Variants in ZNF607 observed in about 807,000 individuals in gnomAD.
ZNF607 encodes zinc finger protein 607.
In ZNF607, 5 loss-of-function variants were observed where a neutral mutation model predicts 12.8. The ratio of observed to expected loss-of-function variants is 0.39; its 90% confidence interval spans 0.20 to 0.82. The LOEUF is 0.82. ZNF607 is among the 40% of genes least tolerant of loss of function. The probability of loss-of-function intolerance (pLI) is 0.39; values close to 1 mark genes in which losing one functional copy is unlikely to be tolerated. For missense variants in ZNF607, 851 were observed against 859.2 expected (o/e 0.99, Z 0.12); for synonymous variants, 287 against 276.2 (o/e 1.04, Z -0.39).
rs779294627 is a variant in ZNF607 at position 37,699,517 on chromosome 19, G to A, written c.614C>T (p.Ala205Val). Residue 205 changes from alanine (A) to valine (V), a missense_variant, in exon 5 of 5, where the codon GCT becomes GTT. Coordinates refer to ENST00000355202, the MANE Select transcript of ZNF607 (RefSeq NM_032689.5). The part of the protein sequence containing the change: ...KPYECKECGE[A>V]FRTSRQLTVH... ...AGTAAGTTGACGGCTAGTCCTAAAA[G>A]CTTCCCCACACTCTTTACATTCATA... 1.4e-5 allele frequency: 23 copies of A among 1,613,734 alleles called. No homozygotes were observed. Among genetic ancestry groups the A allele is most frequent in the South Asian group, 8.8e-5 (8 of 91,064 alleles).
chr19:37,710,708 CTAT>C (rs1289204091), intron 2 of ZNF607, among the ~76,000 whole-genome samples: 1 of 152,126 alleles, frequency 6.6e-6, no homozygotes, highest in Non-Finnish European at 1.5e-5. Context: ...TAATGTTTTT[CTAT>C]TAAACTAAAT....
rs1243574637 is a variant in ZNF607, at chr19:37,696,455, ATTCT to A, written c.*1581_*1584del. 3.3e-6 allele frequency: 1 copy of A among 298,774 alleles called. No homozygotes were observed. The highest frequency in any genetic ancestry group is 6.3e-6 in the Non-Finnish European group (1 of 157,964). 18.5% of individuals were successfully genotyped at this position (298,774 alleles called of 1,614,324 possible). ...ATTTTTTCATGTACTAACTCATGTA[ATTCT>A]TTGTTTTTTAGAGATCTGAAGTGAT... On this transcript the variant is annotated 3_prime_UTR_variant, in exon 5 of 5. Transcript: ENST00000355202.
At chr19:37,701,533 C>G (rs1471241491) in intron 4 of ZNF607, among the ~76,000 whole-genome samples, 1 of 152,202 alleles carries the variant, frequency 6.6e-6, no homozygotes, top group Non-Finnish European at 1.5e-5. Context: ...AATAGGGGAA[C>G]GACACAGCAG....
chr19:37,714,863 C>T (rs11666172), intron 1 of ZNF607, among the ~76,000 whole-genome samples: 79,889 of 151,832 alleles, frequency 0.53, 21,831 homozygotes, highest in Middle Eastern at 0.66. Context: ...CTCATTAATC[C>T]GTTATTATAA....
Position 37,697,156 on chromosome 19 carries a change from T to C in ZNF607, c.*884A>G, listed in dbSNP as rs2044982822. On this transcript the variant is annotated 3_prime_UTR_variant, in exon 5 of 5. Transcript: ENST00000355202. ...GTGATGTTGACATTCTGTAAATCTT[T>C]GCTACCAGTGATGACTGGCGCACTA... 2.7e-6 allele frequency: 2 copies of C among 742,100 alleles called. No homozygotes were observed. Among genetic ancestry groups the C allele is most frequent in the Non-Finnish European group, 2.5e-6 (1 of 396,702 alleles). 46.0% of individuals were successfully genotyped at this position (742,100 alleles called of 1,614,324 possible).
chr19:37,711,308 C>T (rs964938661), intron 2 of ZNF607, among the ~76,000 whole-genome samples: 1 of 152,150 alleles, frequency 6.6e-6, no homozygotes, highest in Admixed American at 6.5e-5. Flanking sequence ...ACCTGAAATG[C>T]GTATTATCTG....
At position 37,698,504 on chromosome 19, in the gene ZNF607, T is replaced by G; in HGVS notation, c.1627A>C (p.Arg543=). ...TGGGCTTTAAGTACAGAAATGAACC[T>G]AAAAGACTTCCCGCATTTGTTGCAT... ...FECNKCGKSF[R]FISVLKAHQN... is the part of the protein sequence containing the mutation. The change falls in exon 5 of 5, where the codon AGG becomes CGG. Residue 543 remains arginine, a synonymous_variant. Transcript: ENST00000355202. 1 of 1,611,924 alleles carries G rather than the reference T, an allele frequency of 6.2e-7. No individual in the cohort carries two copies. The highest frequency in any genetic ancestry group is 2.2e-5 in the East Asian group (1 of 44,844).
intron 1 of ZNF607, among the ~76,000 whole-genome samples, chr19:37,714,340 A>ACAACAACAACAACAACAGCAGCAG (rs546794308): frequency 6.7e-6 from 1 of 148,210 alleles, no homozygotes. Flanking sequence ...AACAACAACA[A>ACAACAACAACAACAACAGCAGCAG]CAGCAGCAGC....
rs375232170 is a variant in ZNF607, at chr19:37,709,676, T to A, written c.136+20A>T. ...GATGATTCTAAATTATTCTAAATCA[T>A]TCCAGGTTGATAAACATACCCAATG... On this transcript the variant is annotated intron_variant, in intron 3 of 4. Transcript: ENST00000355202. The A allele has an allele frequency of 4.3e-6, 7 of 1,609,308 alleles. No individual in the cohort carries two copies. The African/African-American group carries it at 9.3e-5, about 21-fold the overall frequency.
In ZNF607 at chr19:37,697,921, T is replaced by C. The variant is rs1010536297; in HGVS notation, c.*119A>G. The C allele has an allele frequency of 2.8e-5, 29 of 1,017,802 alleles. No homozygotes were observed. Among genetic ancestry groups the C allele is most frequent in the Non-Finnish European group, 3.5e-5 (25 of 704,924 alleles). The allele number at this position is 1,017,802 out of a possible 1,614,324, so 63.0% of individuals were successfully genotyped here. A position where few individuals can be genotyped will look rare whatever the true frequency, so the allele number is the denominator to read the frequency against. The stretch of plus-strand genomic sequence containing the variant: ...CACACCAATACAAATTGATGCCTAA[T>C]AAAAACTGAACTGTATCTCAAAGCC... On this transcript the variant is annotated 3_prime_UTR_variant, in exon 5 of 5. Coordinates refer to ENST00000355202, the MANE Select transcript of ZNF607 (RefSeq NM_032689.5).
intron 4 of ZNF607, among the ~76,000 whole-genome samples, chr19:37,707,291 A>C (rs1291221602): frequency 6.6e-6 from 1 of 152,126 alleles, no homozygotes; most frequent in East Asian, 1.9e-4. Flanking sequence ...CAGAAGTTCA[A>C]GACCAGCCTG....
At chr19:37,700,334 C>G (rs2045028874) in intron 4 of ZNF607, among the ~76,000 whole-genome samples, 1 of 152,020 alleles carries the variant, frequency 6.6e-6, no homozygotes, top group African/African-American at 2.4e-5. Flanking sequence ...TGGAAGAATT[C>G]CAGCAGATTG....
In ZNF607 at chr19:37,709,818, G is replaced by C. The variant is rs1250550681; in HGVS notation, c.14C>G (p.Ser5Ter). 1 of 1,613,010 alleles carries C rather than the reference G, an allele frequency of 6.2e-7. No homozygotes were observed. The highest frequency in any genetic ancestry group is 8.5e-7 in the Non-Finnish European group (1 of 1,179,264). ...TATGGCCACATCCCCGAATGTTATT[G>C]ATCCCTGAAACAGCAAACCCATGTA... The part of the protein sequence containing the change: MSYG[S>*]ITFGDVAIDF... The change falls in exon 3 of 5, where the codon TCA becomes TGA. Residue 5 changes from serine (S) to a stop codon, truncating the protein, a stop_gained. Coordinates refer to ENST00000355202, the MANE Select transcript of ZNF607 (RefSeq NM_032689.5). LOFTEE classifies it high-confidence loss of function.
In ZNF607 at chr19:37,699,510, C is replaced by A. The variant is rs1322016778; in HGVS notation, c.621G>T (p.Arg207Ser). 15 of 1,613,684 alleles carry A rather than the reference C, an allele frequency of 9.3e-6. No homozygotes were observed. Among genetic ancestry groups the A allele is most frequent in the Non-Finnish European group, 1.3e-5 (15 of 1,179,886 alleles). ...YECKECGEAF[R>S]TSRQLTVHHR... ...GATGTACAGTAAGTTGACGGCTAGT[C>A]CTAAAAGCTTCCCCACACTCTTTAC... Residue 207 changes from arginine to serine, a missense_variant, in exon 5 of 5, where the codon AGG becomes AGT. Transcript: ENST00000355202.
At position 37,697,712 on chromosome 19, in the gene ZNF607, A is replaced by G. The variant is rs980355957; in HGVS notation, c.*328T>C. On this transcript the variant is annotated 3_prime_UTR_variant, in exon 5 of 5. Transcript: ENST00000355202. ...CTGGAAGATGTTTACATGCAAGTAT[A>G]AAGAATGGTTTCCTACGTTTTCTCA... The G allele has an allele frequency of 4.8e-5, 15 of 311,152 alleles. No individual in the cohort carries two copies. The East Asian group carries it at 7.0e-4, about 15-fold the overall frequency. The allele number at this position is 311,152 out of a possible 1,614,324, so 19.3% of individuals were successfully genotyped here.
chr19:37,714,147 C>T (rs1262817144), intron 1 of ZNF607, among the ~76,000 whole-genome samples: 6 of 151,836 alleles, frequency 4.0e-5, no homozygotes, highest in African/African-American at 7.3e-5. Flanking sequence ...AGTGAAACCC[C>T]GTCTCTACTA....
chr19:37,713,333 G>A (rs2045147593), intron 1 of ZNF607, among the ~76,000 whole-genome samples: 1 of 151,864 alleles, frequency 6.6e-6, no homozygotes, highest in Non-Finnish European at 1.5e-5. Context: ...TTCATAGACT[G>A]TAAAAGTATT....
chr19:37,707,495 C>A (rs565921306), intron 4 of ZNF607, among the ~76,000 whole-genome samples: 3 of 152,016 alleles, frequency 2.0e-5, no homozygotes, highest in African/African-American at 7.2e-5. Flanking sequence ...CTGGGCCAGG[C>A]ACGGTGGTTT....
At chr19:37,709,973 G>A (rs2045119021) in intron 2 of ZNF607, 151 bp from the exon 3 acceptor site, 1 of 792,902 alleles carries the variant, frequency 1.3e-6, no homozygotes, top group South Asian at 2.4e-5. Context: ...TGGTCAACAT[G>A]GTGAAACCCC....
Sources: gnomAD v4.1 joint callset for allele counts (sites outside exome capture counted in the v4.1 genomes callset) on GRCh38, gnomAD v4.1.1 for gene constraint, MANE v1.5 for transcripts, NCBI Gene and HGNC (gene_info 2026-07-23, HGNC 2026-07-21) for gene names.